The following TNRC6B variants were observed in gnomAD, a reference collection of about 807,000 sequenced individuals.
TNRC6B encodes the protein trinucleotide repeat-containing gene 6B protein.
In TNRC6B, 52 loss-of-function variants were observed where a neutral mutation model predicts 203.6. The ratio of observed to expected loss-of-function variants is 0.26; its 90% CI spans 0.20 to 0.32. TNRC6B has a LOEUF of 0.32. Ranked by LOEUF, TNRC6B falls within the 10% of genes least tolerant of loss-of-function variation. The pLI is 1.00. For missense variants in TNRC6B, 1,923 were observed against 2,286.2 expected, an observed-to-expected ratio of 0.84 and a Z score of 3.24; for synonymous variants, 838 against 845.7, an observed-to-expected ratio of 0.99 and a Z score of 0.16.
At chr22:40,121,019 T>C (rs2068439471) in intron 2 of TNRC6B, among the ~76,000 whole-genome samples, 1 of 152,166 alleles carries the variant, frequency 6.6e-6, no homozygotes, top group South Asian at 2.1e-4. Flanking sequence ...GAGAAGTGAC[T>C]TCACCCCTGA....
chr22:40,178,001 A>C lies in TNRC6B; in HGVS notation c.-135A>C. ...TAGTTCAAGCCAAAATGGCCGACAG[A>C]GTCTCTGCTGGTTTCTGAATATTTA... On this transcript the variant is annotated 5_prime_UTR_variant, in exon 1 of 23. Coordinates refer to ENST00000454349, the MANE Select transcript of TNRC6B (RefSeq NM_001162501.2). 6.6e-7 allele frequency: 1 copy of C among 1,526,424 alleles called. No individual in the cohort carries two copies. Among genetic ancestry groups the C allele is most frequent in the Non-Finnish European group, 8.7e-7 (1 of 1,144,106 alleles). 94.6% of individuals were successfully genotyped at this position (1,526,424 alleles called of 1,614,324 possible).
At chr22:40,215,011 A>G (rs202217721) in intron 1 of TNRC6B, among the ~76,000 whole-genome samples, 17 of 73,564 alleles carry the variant, frequency 2.3e-4, no homozygotes, top group African/African-American at 5.0e-4. Context: ...TTTCTGTGCA[A>G]TGATTTGTTT....
At chr22:40,212,654 T>C (rs575165774) in intron 1 of TNRC6B, among the ~76,000 whole-genome samples, 30 of 152,266 alleles carry the variant, frequency 2.0e-4, no homozygotes, top group African/African-American at 6.3e-4. Context: ...TGTTTGTTTG[T>C]TTTTAATTAT....
chr22:40,101,539 C>G (rs906732801), intron 1 of TNRC6B, among the ~76,000 whole-genome samples: 8 of 152,132 alleles, frequency 5.3e-5, no homozygotes, highest in African/African-American at 1.9e-4. Context: ...CTAATGGTCT[C>G]TAGTTGGGCT....
At chr22:40,143,745 C>T (rs1353373446) in intron 3 of TNRC6B, among the ~76,000 whole-genome samples, 1 of 152,226 alleles carries the variant, frequency 6.6e-6, no homozygotes, top group Non-Finnish European at 1.5e-5. Flanking sequence ...ATCCGCCCGC[C>T]TTGGCCACCC....
At position 40,170,437 on chromosome 22, in the gene TNRC6B, TTTA is replaced by T. The variant is rs1191092060; in HGVS notation, c.113+14257_113+14259del. ...GTTTATATATATATTATATATATAG[TTTA>T]TATATATATTATATATATAGTTTAT... On this transcript the variant is annotated intron_variant, in intron 4 of 23. Transcript: ENST00000301923. Among the ~76,000 whole-genome samples, 20 of 19,210 alleles carry T rather than the reference TTTA, an allele frequency of 1.0e-3. No individual in the cohort carries two copies. In the African/African-American group the frequency reaches 0.013, roughly 13 times the overall value. 12.6% of individuals were successfully genotyped at this position (19,210 alleles called of 152,430 possible).
At chr22:40,258,363 T>G (rs1025933276) in intron 3 of TNRC6B, among the ~76,000 whole-genome samples, 12 of 152,148 alleles carry the variant, frequency 7.9e-5, no homozygotes, top group Non-Finnish European at 1.0e-4. Context: ...TCTGATGTCT[T>G]AAGTTTGGAC....
intron 1 of TNRC6B, among the ~76,000 whole-genome samples, chr22:40,226,801 T>TG (rs1402233759): frequency 1.3e-5 from 2 of 152,188 alleles, no homozygotes; most frequent in Non-Finnish European, 2.9e-5. Context: ...GACAGAGACT[T>TG]GGTCATTGGT....
At chr22:40,177,798 G>A (rs2069079312), upstream of TNRC6B, 1 of 1,263,234 alleles carries the variant, frequency 7.9e-7, no homozygotes, top group African/African-American at 1.5e-5. Context: ...ATGAAAGTGA[G>A]TGGAAAAGGG....
chr22:40,309,159 G>A (rs1193565240), intron 16 of TNRC6B, among the ~76,000 whole-genome samples: 5 of 152,356 alleles, frequency 3.3e-5, no homozygotes, highest in Middle Eastern at 3.4e-3. Context: ...GGGCATTGCA[G>A]GCTTTGGTCG....
intron 2 of TNRC6B, among the ~76,000 whole-genome samples, chr22:40,120,588 T>C (rs913816073): frequency 2.6e-5 from 4 of 152,142 alleles, no homozygotes; most frequent in African/African-American, 7.2e-5. Flanking sequence ...TGGAATAATT[T>C]GGAAGACAAG....
chr22:40,246,075 T>C lies in TNRC6B; in HGVS notation c.66T>C (p.Asp22=), dbSNP rs756707340. ...AAGACAAGAAAAGGAAGAAAGAGGATAAAAAGAAAAAAGAAGCCACTCAGA... is the reference window on the plus strand; with the variant it reads ...AAGACAAGAAAAGGAAGAAAGAGGACAAAAAGAAAAAAGAAGCCACTCAGA... ...LMEDKKRKKE[D]KKKKEATQKV... is the part of the protein sequence containing the mutation. The change falls in exon 2 of 23, where the codon GAT becomes GAC. Residue 22 remains aspartate, a synonymous_variant. Coordinates refer to ENST00000454349, the MANE Select transcript of TNRC6B (RefSeq NM_001162501.2). The C allele has an allele frequency of 2.0e-6, 3 of 1,532,694 alleles. No homozygotes were observed. The highest frequency in any genetic ancestry group is 4.0e-5 in the Admixed American group (2 of 49,896). 94.9% of individuals were successfully genotyped at this position (1,532,694 alleles called of 1,614,324 possible). A position where few individuals can be genotyped will look rare whatever the true frequency, so the allele number is the denominator to read the frequency against.
At position 40,126,452 on chromosome 22, in the gene TNRC6B, C is replaced by T. The variant is rs891101218; in HGVS notation, c.45+590C>T. On this transcript the variant is annotated intron_variant, in intron 3 of 23. Coordinates refer to the TNRC6B transcript ENST00000301923. ...TCCACCGTTTCCATCTTTATGTCCA[C>T]ATGTACCCAGTGTTTAGCTCCCACT... Among the ~76,000 whole-genome samples, 3 of 152,148 alleles carry T rather than the reference C, an allele frequency of 2.0e-5. No homozygotes were observed. In the East Asian group the frequency reaches 5.8e-4, roughly 29 times the overall value.
intron 3 of TNRC6B, among the ~76,000 whole-genome samples, chr22:40,138,217 C>A: frequency 6.6e-6 from 1 of 152,092 alleles, no homozygotes; most frequent in East Asian, 1.9e-4. Flanking sequence ...TTAAATGATG[C>A]CATGTGAAAT....
chr22:40,208,665 G>A (rs368128516), intron 1 of TNRC6B, among the ~76,000 whole-genome samples: 6 of 152,186 alleles, frequency 3.9e-5, no homozygotes, highest in East Asian at 1.9e-4. Flanking sequence ...TCTGAGTACC[G>A]GAAAGGTTAT....
chr22:40,228,585 T>G lies in TNRC6B; in HGVS notation c.6-17430T>G, dbSNP rs540230423. On this transcript the variant is annotated intron_variant, in intron 1 of 22. Coordinates refer to ENST00000454349, the MANE Select transcript of TNRC6B (RefSeq NM_001162501.2). ...CCCAGGCTGGAGTGCAGCGGCGTGATCTCGGCTCACTGCAACCTCCGCCTC... is the reference window on the plus strand; with the variant it reads ...CCCAGGCTGGAGTGCAGCGGCGTGAGCTCGGCTCACTGCAACCTCCGCCTC... Among the ~76,000 whole-genome samples the G allele has an allele frequency of 2.0e-3, 298 of 149,660 alleles. 1 individual carries two copies. The highest frequency in any genetic ancestry group is 7.1e-3 in the African/African-American group (291 of 40,840).
Position 40,312,646 on chromosome 22 carries a change from C to G in TNRC6B, c.4577C>G (p.Thr1526Ser). 2 of 1,609,546 alleles carry G rather than the reference C, an allele frequency of 1.2e-6. No individual in the cohort carries two copies. The change falls in exon 18 of 23, where the codon ACC (threonine) becomes AGC (serine). Residue 1526 changes from threonine (T) to serine (S), a missense_variant. Physicochemically the swap from Thr to Ser is moderately conservative, Grantham distance 58. Transcript: ENST00000454349. ...GACCACCAACTGCTGCGGGATAACA[C>G]CACAGGTACTTGAGCAAAGCATCTC... is the stretch of plus-strand genomic sequence containing the variant. ...DTDHQLLRDNTTGSNSSLNTS... is the reference protein window; with the variant it reads ...DTDHQLLRDNSTGSNSSLNTS...
intron 8 of TNRC6B, among the ~76,000 whole-genome samples, chr22:40,277,791 A>G (rs1368767802): frequency 6.6e-6 from 1 of 152,206 alleles, no homozygotes. Flanking sequence ...GACTAATTGT[A>G]TGTGAAAACT....
chr22:40,303,917 AT>A (rs1449899294), intron 15 of TNRC6B, among the ~76,000 whole-genome samples: 5 of 152,048 alleles, frequency 3.3e-5, no homozygotes, highest in East Asian at 1.9e-4. Context: ...CTCAAAAATA[AT>A]TTTTTTTCCT....
Sources: allele counts gnomAD v4.1 joint callset (sites outside exome capture counted in the v4.1 genomes callset), GRCh38; gene constraint gnomAD v4.1.1; transcripts MANE v1.5; gene names NCBI Gene and HGNC (gene_info 2026-07-23, HGNC 2026-07-21).